The following SLK variants were observed in gnomAD, a reference collection of about 807,000 sequenced individuals.
The protein encoded by SLK is STE20-like serine/threonine-protein kinase.
A neutral mutation model predicts 147.7 loss-of-function variants in SLK; 67 were observed. The observed-to-expected ratio is 0.45, with a 90% CI of 0.37 to 0.56. SLK has a LOEUF of 0.56. SLK is among the 20% of genes least tolerant of loss of function. The probability of loss-of-function intolerance (pLI) is 0.00; values close to 1 mark genes in which losing one functional copy is unlikely to be tolerated. For missense variants in SLK, 1,136 were observed against 1,438.8 expected (o/e 0.79, Z 3.41); for synonymous variants, 441 against 475.0 (o/e 0.93, Z 0.93).
At chr10:103,991,847 AG>A (rs2134472130) in intron 2 of SLK, among the ~76,000 whole-genome samples, 1 of 152,176 alleles carries the variant, frequency 6.6e-6, no homozygotes, top group Admixed American at 6.5e-5. Flanking sequence ...GGGCTGTCGC[AG>A]AATGTTTCCA....
intron 13 of SLK, among the ~76,000 whole-genome samples, chr10:104,015,052 T>G (rs1488962668): frequency 1.3e-5 from 2 of 152,166 alleles, no homozygotes; most frequent in Non-Finnish European, 2.9e-5. Flanking sequence ...GTAATAACAT[T>G]AACATTTTGT....
Position 104,008,197 on chromosome 10 carries a change from C to T in SLK, c.2625C>T (p.Asp875=). 1.9e-6 allele frequency: 3 copies of T among 1,612,414 alleles called. No homozygotes were observed. The South Asian group carries it at 3.3e-5, about 18-fold the overall frequency. Reference sequence around the variant, plus strand: ...TACAGAGTAAAAAGCGACAATATGACCAGGAAATTGAGAATCTAGAAAAAC... The same window carrying T: ...TACAGAGTAAAAAGCGACAATATGATCAGGAAATTGAGAATCTAGAAAAAC... ...QEMMSKKRQY[D]QEIENLEKQQ... Residue 875 remains aspartate (D), a synonymous_variant, in exon 12 of 19, where the codon GAC becomes GAT. Transcript: ENST00000369755.
At chr10:103,986,168 T>G (rs1404863661) in intron 1 of SLK, among the ~76,000 whole-genome samples, 2 of 152,200 alleles carry the variant, frequency 1.3e-5, no homozygotes, top group Non-Finnish European at 1.5e-5. Context: ...CGGGGATGTT[T>G]TGGGGATAAT....
intron 4 of SLK, among the ~76,000 whole-genome samples, chr10:103,997,247 T>C (rs1201623786): frequency 6.6e-6 from 1 of 152,266 alleles, no homozygotes; most frequent in Admixed American, 6.5e-5. Flanking sequence ...TTGTAGCGTA[T>C]TTCAAGTCTT....
intron 1 of SLK, among the ~76,000 whole-genome samples, chr10:103,988,187 C>A (rs1338581966): frequency 6.6e-6 from 1 of 152,152 alleles, no homozygotes; most frequent in African/African-American, 2.4e-5. Context: ...AAGAATGTTT[C>A]TTTTCTCCTG....
intron 1 of SLK, among the ~76,000 whole-genome samples, chr10:103,977,755 C>T (rs1337987943): frequency 6.6e-6 from 1 of 152,148 alleles, no homozygotes; most frequent in African/African-American, 2.4e-5. Context: ...TTATGTTTTG[C>T]AATTATTGTT....
At chr10:104,020,243 C>G (rs1269234384) in intron 16 of SLK, among the ~76,000 whole-genome samples, 1 of 152,154 alleles carries the variant, frequency 6.6e-6, no homozygotes, top group African/African-American at 2.4e-5. Flanking sequence ...TGTGATACTT[C>G]TGTAGTCATG....
At chr10:104,015,950 A>C (rs1844457148) in intron 13 of SLK, among the ~76,000 whole-genome samples, 1 of 152,180 alleles carries the variant, frequency 6.6e-6, no homozygotes, top group Non-Finnish European at 1.5e-5. Context: ...CCAATGATAA[A>C]AATGTTGAAC....
intron 4 of SLK, among the ~76,000 whole-genome samples, chr10:103,995,968 C>T (rs1371364271): frequency 1.3e-5 from 2 of 152,122 alleles, no homozygotes; most frequent in African/African-American, 4.8e-5. Flanking sequence ...GTTGAGAGTT[C>T]TGGTTCTCAA....
At chr10:103,972,451 T>C (rs916000088) in intron 1 of SLK, among the ~76,000 whole-genome samples, 1 of 152,198 alleles carries the variant, frequency 6.6e-6, no homozygotes, top group African/African-American at 2.4e-5. Context: ...GGCGGGCGGA[T>C]CACGAAGTCA....
At position 104,026,858 on chromosome 10, in the gene SLK, A is replaced by T. The variant is rs891162894; in HGVS notation, c.*1138A>T. 1 of 152,162 alleles carries T rather than the reference A, an allele frequency of 6.6e-6. No homozygotes were observed. Among genetic ancestry groups the T allele is most frequent in the African/African-American group, 2.4e-5 (1 of 41,434 alleles). 9.4% of individuals were successfully genotyped at this position (152,162 alleles called of 1,614,324 possible). A position where few individuals can be genotyped will look rare whatever the true frequency, so the allele number is the denominator to read the frequency against. On this transcript the variant is annotated 3_prime_UTR_variant, in exon 19 of 19. Coordinates refer to ENST00000369755, the MANE Select transcript of SLK (RefSeq NM_014720.4). ...ATTTTGTTCCATGTTTAAATCATTC[A>T]CTTTGATTTGAGTGGGAAAAGCCTG... is the stretch of plus-strand genomic sequence containing the variant.
At chr10:104,019,946 C>G in intron 16 of SLK, 24 bp downstream of exon 16, 1 of 1,569,318 alleles carries the variant, frequency 6.4e-7, no homozygotes, top group Non-Finnish European at 8.7e-7. Context: ...TTAGTCTCTT[C>G]TCTTTTAGGT....
chr10:103,988,436 A>G (rs987100211), intron 1 of SLK, among the ~76,000 whole-genome samples: 3 of 151,294 alleles, frequency 2.0e-5, no homozygotes, highest in Non-Finnish European at 2.9e-5. Flanking sequence ...TTTATATCCT[A>G]CTGCCCAAGG....
In SLK at chr10:103,992,141, G is replaced by GTTT. The variant is rs56381345; in HGVS notation, c.316-441_316-439dup. ...TGAAGCTTTTGTGGGTATTTCTTCTGTTTTTTTTTTTTTTTTTTCTAAAAG... is the reference window on the plus strand; with the variant it reads ...TGAAGCTTTTGTGGGTATTTCTTCTGTTTTTTTTTTTTTTTTTTTTTCTAAAAG... On this transcript the variant is annotated intron_variant, in intron 2 of 18. Coordinates refer to ENST00000369755, the MANE Select transcript of SLK (RefSeq NM_014720.4). 2.3e-4 allele frequency among the ~76,000 whole-genome samples: 21 copies of GTTT among 91,800 alleles called. 1 individual carries two copies. The highest frequency in any genetic ancestry group is 6.9e-4 in the East Asian group (2 of 2,888). 60.2% of individuals were successfully genotyped at this position (91,800 alleles called of 152,430 possible).
At chr10:103,987,787 A>G (rs1360562513) in intron 1 of SLK, among the ~76,000 whole-genome samples, 1 of 152,200 alleles carries the variant, frequency 6.6e-6, no homozygotes, top group Non-Finnish European at 1.5e-5. Context: ...TGAGAAGTTA[A>G]CCAAAGAAGG....
chr10:104,020,435 T>C, intron 16 of SLK, 53 bp from the exon 17 acceptor site: 2 of 1,522,606 alleles, frequency 1.3e-6, no homozygotes, highest in Middle Eastern at 1.8e-4. Context: ...CTTCAGAATA[T>C]ATAGAAATCA....
chr10:103,983,480 G>A (rs566841782), intron 1 of SLK, among the ~76,000 whole-genome samples: 1 of 152,102 alleles, frequency 6.6e-6, no homozygotes, highest in Non-Finnish European at 1.5e-5. Context: ...GCCCTTCTAT[G>A]CTTTGTGATG....
chr10:103,977,397 G>A (rs1221634428), intron 1 of SLK, among the ~76,000 whole-genome samples: 1 of 152,122 alleles, frequency 6.6e-6, no homozygotes, highest in Non-Finnish European at 1.5e-5. Context: ...GATTGCTTGA[G>A]CCCAGGAATT....
intron 1 of SLK, among the ~76,000 whole-genome samples, chr10:103,973,383 A>G (rs552808509): frequency 1.2e-4 from 18 of 152,310 alleles, no homozygotes; most frequent in African/African-American, 3.6e-4. Flanking sequence ...GTCTATTCCT[A>G]TACCAGTATC....
Sources: allele counts gnomAD v4.1 joint callset (sites outside exome capture counted in the v4.1 genomes callset), GRCh38; gene constraint gnomAD v4.1.1; transcripts MANE v1.5; gene names NCBI Gene and HGNC (gene_info 2026-07-23, HGNC 2026-07-21).